Variants in CNTN4 observed in about 807,000 individuals in gnomAD.
The protein encoded by CNTN4 is contactin-4.
In CNTN4, 77 loss-of-function variants were observed where a neutral mutation model predicts 122.5. The observed-to-expected ratio is 0.63, with a 90% CI of 0.52 to 0.76. CNTN4 has a LOEUF of 0.76. CNTN4 is among the 30% of genes least tolerant of loss of function. CNTN4 has a pLI of 0.00. For synonymous variants in CNTN4, 512 were observed against 447.0 expected, an observed-to-expected ratio of 1.15 and a Z score of -1.83; for missense variants, 1,256 against 1,259.1, an observed-to-expected ratio of 1.00 and a Z score of 0.04.
At chr3:2,335,424 T>A (rs928091890) in intron 2 of CNTN4, among the ~76,000 whole-genome samples, 1 of 152,084 alleles carries the variant, frequency 6.6e-6, no homozygotes, top group African/African-American at 2.4e-5. Flanking sequence ...TAGGCTCATT[T>A]TATTCGAAAG....
chr3:2,369,401 A>G (rs941654184), intron 3 of CNTN4, among the ~76,000 whole-genome samples: 1 of 152,194 alleles, frequency 6.6e-6, no homozygotes, highest in African/African-American at 2.4e-5. Flanking sequence ...CATCATAGCC[A>G]TTATTATTTT....
Position 3,026,289 on chromosome 3 carries a change from T to C in CNTN4, c.1662+12T>C. On this transcript the variant is annotated intron_variant, in intron 15 of 24. Coordinates refer to ENST00000418658, the MANE Select transcript of CNTN4 (RefSeq NM_175607.3). ...AAAGAGTTGGAGGGGTAAGTATTAA[T>C]AGCAAAAACTGACTCAAACTAACTT... 1 of 1,610,804 alleles carries C rather than the reference T, an allele frequency of 6.2e-7. No individual in the cohort carries two copies.
intron 3 of CNTN4, among the ~76,000 whole-genome samples, chr3:2,380,211 G>C (rs1330510918): frequency 1.3e-5 from 2 of 152,098 alleles, no homozygotes; most frequent in Non-Finnish European, 1.5e-5. Flanking sequence ...AGGGAAAATG[G>C]GATGAGAATT....
At chr3:2,621,450 T>C (rs1476173703) in intron 4 of CNTN4, among the ~76,000 whole-genome samples, 1 of 151,164 alleles carries the variant, frequency 6.6e-6, no homozygotes, top group Admixed American at 6.6e-5. Context: ...TGAGAACACA[T>C]GGTCACAGGT....
rs1491310865 is a variant in CNTN4 at position 2,658,960 on chromosome 3, A to AG, written c.56-77255_56-77254insG. 1.4e-3 allele frequency among the ~76,000 whole-genome samples: 123 copies of AG among 88,028 alleles called. 1 individual carries two copies. The highest frequency in any genetic ancestry group is 6.1e-3 in the African/African-American group (116 of 18,940). The allele number at this position is 88,028 out of a possible 152,430, so 57.7% of individuals were successfully genotyped here. On this transcript the variant is annotated intron_variant, in intron 4 of 24. Transcript: ENST00000418658. ...ATGCAAATAACACACCCACACACAC[A>AG]AACAGACACACACACACACACACAC...
At position 2,577,309 on chromosome 3, in the gene CNTN4, G is replaced by T. The variant is rs141562820; in HGVS notation, c.55+5751G>T. Reference sequence around the variant, plus strand: ...GGTGGGAAAAAACAGCTTTAACAGAGATGATTGGAGAGTTGACTGTGTATG... The same window carrying T: ...GGTGGGAAAAAACAGCTTTAACAGATATGATTGGAGAGTTGACTGTGTATG... On this transcript the variant is annotated intron_variant, in intron 4 of 24. Coordinates refer to ENST00000418658, the MANE Select transcript of CNTN4 (RefSeq NM_175607.3). 2.9e-3 allele frequency among the ~76,000 whole-genome samples: 449 copies of T among 152,304 alleles called. 3 individuals are homozygous for T. The highest frequency in any genetic ancestry group is 0.01 in the African/African-American group (417 of 41,566).
In CNTN4 at chr3:2,368,978, G is replaced by A. The variant is rs539223345; in HGVS notation, c.-89+29745G>A. On this transcript the variant is annotated intron_variant, in intron 3 of 24. Coordinates refer to ENST00000418658, the MANE Select transcript of CNTN4 (RefSeq NM_175607.3). Reference sequence around the variant, plus strand: ...CTCACTCTGTTGCCCAGGTTGGAGTGCAGTGGCAAGATCTCGGCTCCCTGC... The same window carrying A: ...CTCACTCTGTTGCCCAGGTTGGAGTACAGTGGCAAGATCTCGGCTCCCTGC... 1.3e-4 allele frequency among the ~76,000 whole-genome samples: 20 copies of A among 152,274 alleles called. No individual in the cohort carries two copies. In the East Asian group the frequency reaches 3.7e-3, roughly 28 times the overall value.
chr3:2,529,768 A>G lies in CNTN4; in HGVS notation c.-88-41648A>G, dbSNP rs1033749800. Among the ~76,000 whole-genome samples the G allele has an allele frequency of 1.4e-4, 22 of 152,196 alleles. No homozygotes were observed. The South Asian group carries it at 1.5e-3, about 10-fold the overall frequency. ...GAGTAACTTGGTAATGGTGACCACC[A>G]TATGATGAGGAGGAGGAGGAGGAGG... On this transcript the variant is annotated intron_variant, in intron 3 of 24. Transcript: ENST00000418658.
At chr3:2,105,103 G>T (rs1019466268) in intron 2 of CNTN4, among the ~76,000 whole-genome samples, 5 of 152,172 alleles carry the variant, frequency 3.3e-5, no homozygotes, top group African/African-American at 1.2e-4. Flanking sequence ...CTTTTTCTCA[G>T]TGGCTCTAGT....
rs1394776141 is a variant in CNTN4 at position 2,709,497 on chromosome 3, G to C, written c.56-26718G>C. Among the ~76,000 whole-genome samples the C allele has an allele frequency of 6.6e-6, 1 of 151,986 alleles. No individual in the cohort carries two copies. Among genetic ancestry groups the C allele is most frequent in the South Asian group, 2.1e-4 (1 of 4,822 alleles). ...TGAAACCTAATCCCCGCAATTACAG[G>C]GTTTTATATCGTTTGCCTCAGGCTA... On this transcript the variant is annotated intron_variant, in intron 4 of 24. Transcript: ENST00000418658. This position sits in a 1 kb window ranked among gnomAD's most constrained non-coding sequence, Gnocchi z 5.0.
At chr3:2,618,708 G>C (rs1396356895) in intron 4 of CNTN4, among the ~76,000 whole-genome samples, 2 of 152,098 alleles carry the variant, frequency 1.3e-5, no homozygotes, top group Non-Finnish European at 2.9e-5. Flanking sequence ...TGGAAATTTT[G>C]ATTATCAATA....
chr3:2,329,045 T>A (rs186052694), intron 2 of CNTN4, among the ~76,000 whole-genome samples: 37 of 152,226 alleles, frequency 2.4e-4, no homozygotes, highest in Admixed American at 1.8e-3. Flanking sequence ...AGAAGTAAAA[T>A]TTTTCACAAA....
intron 13 of CNTN4, among the ~76,000 whole-genome samples, chr3:2,932,936 C>A (rs908420340): frequency 6.6e-6 from 1 of 152,084 alleles, no homozygotes; most frequent in Non-Finnish European, 1.5e-5. Flanking sequence ...CATTCTCTTG[C>A]CTCAGCCTCC....
intron 3 of CNTN4, among the ~76,000 whole-genome samples, chr3:2,518,888 C>T (rs977007581): frequency 2.0e-5 from 3 of 151,908 alleles, no homozygotes; most frequent in African/African-American, 7.3e-5. Context: ...ACATGGGAGC[C>T]GCCACAGGAA....
In CNTN4 at chr3:2,866,923, C is replaced by T; in HGVS notation, c.626C>T (p.Pro209Leu). Residue 209 changes from proline (P) to leucine (L), a missense_variant, in exon 8 of 25, where the codon CCT becomes CTT. Coordinates refer to ENST00000418658, the MANE Select transcript of CNTN4 (RefSeq NM_175607.3). ...ACAAACCACAAGGTCCTGGGGCCAC[C>T]TACACCACTAATATTGAGAAATGAT... ...TVTNHKVLGP[P>L]TPLILRNDGV... The T allele has an allele frequency of 6.2e-7, 1 of 1,613,950 alleles. No homozygotes were observed. The highest frequency in any genetic ancestry group is 8.5e-7 in the Non-Finnish European group (1 of 1,179,876).
chr3:2,839,377 C>T (rs946116066), intron 7 of CNTN4, among the ~76,000 whole-genome samples: 2 of 151,676 alleles, frequency 1.3e-5, no homozygotes, highest in Non-Finnish European at 2.9e-5. Flanking sequence ...AAATTGGAAG[C>T]CCACTGGGTC....
At chr3:2,643,501 G>A (rs1303230209) in intron 4 of CNTN4, among the ~76,000 whole-genome samples, 1 of 152,112 alleles carries the variant, frequency 6.6e-6, no homozygotes, top group Admixed American at 6.5e-5. Context: ...ACGTTCACTA[G>A]TCTAGTGACT....
chr3:2,583,281 C>T (rs936565669), intron 4 of CNTN4, among the ~76,000 whole-genome samples: 4 of 152,182 alleles, frequency 2.6e-5, no homozygotes, highest in African/African-American at 4.8e-5. Flanking sequence ...GGGAGCATTT[C>T]ACAGATTGTC....
At chr3:2,142,270 T>G (rs1419135205) in intron 2 of CNTN4, among the ~76,000 whole-genome samples, 1 of 152,248 alleles carries the variant, frequency 6.6e-6, no homozygotes, top group Non-Finnish European at 1.5e-5. Flanking sequence ...TATTTCATAA[T>G]TTCTCCAAAA....
Sources: gnomAD v4.1 joint callset for allele counts (sites outside exome capture counted in the v4.1 genomes callset) on GRCh38, gnomAD v4.1.1 for gene constraint, Gnocchi (gnomAD v3.1) non-coding constraint, MANE v1.5 for transcripts, NCBI Gene and HGNC (gene_info 2026-07-23, HGNC 2026-07-21) for gene names.